HES2: variants seen among roughly 807,000 people sequenced by gnomAD.
The protein encoded by HES2 is transcription factor HES-2.
HES2 carries 11 observed loss-of-function variants against 11.9 expected under a neutral mutation model. The ratio of observed to expected loss-of-function variants is 0.92; its 90% CI spans 0.58 to 1.53. The LOEUF (loss-of-function observed/expected upper bound fraction) is 1.53. HES2 is among the 40% of genes most tolerant of loss of function. The pLI, the probability that HES2 is intolerant of heterozygous loss-of-function variation, is 0.00. For missense variants in HES2, 260 were observed against 253.8 expected (o/e 1.02, Z -0.16); for synonymous variants, 125 against 122.8 (o/e 1.02, Z -0.12).
chr1:6,419,361 G>C lies in HES2; in HGVS notation c.142-21C>G, dbSNP rs764014411. The stretch of plus-strand genomic sequence containing the variant: ...GAGTTCTGCGCCCGGCCACGAGGAA[G>C]AGCGACAGAGAACCACCAAGACAGA... On this transcript the variant is annotated intron_variant, in intron 2 of 3. Transcript: ENST00000377834. This position sits in a 1 kb window ranked among gnomAD's most constrained non-coding sequence, Gnocchi z 8.1. 3 of 1,587,022 alleles carry C rather than the reference G, an allele frequency of 1.9e-6. No individual in the cohort carries two copies. Among genetic ancestry groups the C allele is most frequent in the Non-Finnish European group, 2.6e-6 (3 of 1,162,024 alleles).
Position 6,418,943 on chromosome 1 carries a change from TCTGGGGCAGACGCGGGCG to T in HES2, c.434_451del (p.Ala145_Pro150del). ...CGAGGGCACCGGAGCGGATGCGGGCTCTGGGGCAGACGCGGGCGCTGGGGCGGGGGCAGACGGGCCACT... is the reference window on the plus strand; with the variant it reads ...CGAGGGCACCGGAGCGGATGCGGGCTCTGGGGCGGGGGCAGACGGGCCACT... On this transcript the variant is annotated inframe_deletion, in exon 4 of 4. Transcript: ENST00000377834. 7.5e-7 allele frequency: 1 copy of T among 1,335,994 alleles called. No homozygotes were observed. Among genetic ancestry groups the T allele is most frequent in the South Asian group, 2.1e-5 (1 of 48,138 alleles). 82.8% of individuals were successfully genotyped at this position (1,335,994 alleles called of 1,614,324 possible). A position where few individuals can be genotyped will look rare whatever the true frequency, so the allele number is the denominator to read the frequency against.
In HES2 at chr1:6,419,373, A is replaced by G. The variant is rs774017666; in HGVS notation, c.142-33T>C. 1.9e-6 allele frequency: 3 copies of G among 1,564,040 alleles called. No homozygotes were observed. The African/African-American group carries it at 4.1e-5, about 21-fold the overall frequency. On this transcript the variant is annotated intron_variant, in intron 2 of 3. Coordinates refer to ENST00000377834, the MANE Select transcript of HES2 (RefSeq NM_019089.5). This position sits in a 1 kb window ranked among gnomAD's most constrained non-coding sequence, Gnocchi z 8.1. Reference sequence around the variant, plus strand: ...CGGCCACGAGGAAGAGCGACAGAGAACCACCAAGACAGAACTTTGGCCGGC... The same window carrying G: ...CGGCCACGAGGAAGAGCGACAGAGAGCCACCAAGACAGAACTTTGGCCGGC...
In HES2 at chr1:6,415,321, G is replaced by A. The variant is rs1642834174; in HGVS notation, c.*3552C>T. On this transcript the variant is annotated 3_prime_UTR_variant, in exon 4 of 4. Transcript: ENST00000377834. Reference sequence around the variant, plus strand: ...AGGTTCGGGGTAACTCCAGAGTCAAGCAAGTCTATTGGCAACATTTTCCCA... The same window carrying A: ...AGGTTCGGGGTAACTCCAGAGTCAAACAAGTCTATTGGCAACATTTTCCCA... 6.6e-6 allele frequency: 1 copy of A among 151,286 alleles called. No homozygotes were observed. The highest frequency in any genetic ancestry group is 6.6e-5 in the Admixed American group (1 of 15,188). The allele number at this position is 151,286 out of a possible 1,614,324, so 9.4% of individuals were successfully genotyped here.
rs755059196 is a variant in HES2, at chr1:6,419,287, G to A, written c.195C>T (p.Arg65=). 1.3e-5 allele frequency: 21 copies of A among 1,610,748 alleles called. No individual in the cohort carries two copies. In the African/African-American group the frequency reaches 1.5e-4, roughly 11 times the overall value. Residue 65 remains arginine (R), a synonymous_variant, in exon 3 of 4, where the codon CGC becomes CGT. Coordinates refer to ENST00000377834, the MANE Select transcript of HES2 (RefSeq NM_019089.5). This position sits in a 1 kb window ranked among gnomAD's most constrained non-coding sequence, Gnocchi z 8.1. ...AGGACGCAGGCAGCTCCTGCAGGAAGCGCACGGTCATTTCCAGGACGTCTG... is the reference window on the plus strand; with the variant it reads ...AGGACGCAGGCAGCTCCTGCAGGAAACGCACGGTCATTTCCAGGACGTCTG... ...EKADVLEMTV[R]FLQELPASSW... is the part of the protein sequence containing the mutation.
In HES2 at chr1:6,419,407, G is replaced by A. The variant is rs960459056; in HGVS notation, c.142-67C>T. 4.3e-6 allele frequency: 6 copies of A among 1,396,150 alleles called. No homozygotes were observed. The highest frequency in any genetic ancestry group is 3.9e-5 in the Admixed American group (2 of 51,820). The allele number at this position is 1,396,150 out of a possible 1,614,324, so 86.5% of individuals were successfully genotyped here. A position where few individuals can be genotyped will look rare whatever the true frequency, so the allele number is the denominator to read the frequency against. On this transcript the variant is annotated intron_variant, in intron 2 of 3. Coordinates refer to ENST00000377834, the MANE Select transcript of HES2 (RefSeq NM_019089.5). The surrounding 1 kb of genome is among the most constrained non-coding windows in gnomAD (Gnocchi z 8.1). ...ACAGAACTTTGGCCGGCTACCGTGC[G>A]CACCCTCGCTCTAGTCGGGAGCTGG...
In HES2 at chr1:6,418,115, A is replaced by G. The variant is rs1642870896; in HGVS notation, c.*758T>C. 1.3e-5 allele frequency: 2 copies of G among 152,194 alleles called. No individual in the cohort carries two copies. Among genetic ancestry groups the G allele is most frequent in the South Asian group, 4.1e-4 (2 of 4,826 alleles). The allele number at this position is 152,194 out of a possible 1,614,324, so 9.4% of individuals were successfully genotyped here. ...TTCCTTGAGGCCACGGGGCCGCCTCATTCTTGTTCTGCCCCTTCCTCACAC... is the reference window on the plus strand; with the variant it reads ...TTCCTTGAGGCCACGGGGCCGCCTCGTTCTTGTTCTGCCCCTTCCTCACAC... On this transcript the variant is annotated 3_prime_UTR_variant, in exon 4 of 4. Coordinates refer to ENST00000377834, the MANE Select transcript of HES2 (RefSeq NM_019089.5).
At position 6,418,754 on chromosome 1, in the gene HES2, G is replaced by T; in HGVS notation, c.*119C>A. Reference sequence around the variant, plus strand: ...GTCACAAACAGCCGGCTTCCGGCCTGGGTGTGGGTACTGGGCTGGCCCCTA... The same window carrying T: ...GTCACAAACAGCCGGCTTCCGGCCTTGGTGTGGGTACTGGGCTGGCCCCTA... On this transcript the variant is annotated 3_prime_UTR_variant, in exon 4 of 4. Coordinates refer to ENST00000377834, the MANE Select transcript of HES2 (RefSeq NM_019089.5). 9.7e-7 allele frequency: 1 copy of T among 1,030,146 alleles called. No homozygotes were observed. Among genetic ancestry groups the T allele is most frequent in the South Asian group, 4.8e-5 (1 of 20,688 alleles). 63.8% of individuals were successfully genotyped at this position (1,030,146 alleles called of 1,614,324 possible).
chr1:6,419,799 C>A lies in HES2; in HGVS notation c.22G>T (p.Gly8Trp). 1 of 1,562,952 alleles carries A rather than the reference C, an allele frequency of 6.4e-7. No individual in the cohort carries two copies. Among genetic ancestry groups the A allele is most frequent in the East Asian group, 2.5e-5 (1 of 40,452 alleles). Reference protein sequence around the residue: MGLPRRAGDAAELRKSLK... With the variant: MGLPRRAWDAAELRKSLK... Reference sequence around the variant, plus strand: ...ACCTTGCGCAGCTCCGCCGCGTCCCCTGCCCGGCGAGGCAGCCCCATGCTC... The same window carrying A: ...ACCTTGCGCAGCTCCGCCGCGTCCCATGCCCGGCGAGGCAGCCCCATGCTC... The change falls in exon 1 of 4, where the codon GGG becomes TGG. Residue 8 changes from glycine to tryptophan, a missense_variant. By Grantham distance (184) the Gly-to-Trp change is radical. Transcript: ENST00000377834. The surrounding 1 kb of genome is among the most constrained non-coding windows in gnomAD (Gnocchi z 8.1).
chr1:6,418,983 C>G lies in HES2; in HGVS notation c.412G>C (p.Gly138Arg). Residue 138 changes from glycine (G) to arginine (R), a missense_variant, in exon 4 of 4, where the codon GGC (glycine) becomes CGC (arginine). By Grantham distance (125) the Gly-to-Arg change is moderately radical. Transcript: ENST00000377834. The stretch of plus-strand genomic sequence containing the variant: ...GGCGCTGGGGCGGGGGCAGACGGGC[C>G]ACTGGAATCCCCAGCGCGCCCGCCG... ...LDGGRAGDSS[G>R]PSAPAPAPAS... 1 of 1,361,958 alleles carries G rather than the reference C, an allele frequency of 7.3e-7. No individual in the cohort carries two copies. Among genetic ancestry groups the G allele is most frequent in the African/African-American group, 1.5e-5 (1 of 65,292 alleles). The allele number at this position is 1,361,958 out of a possible 1,614,324, so 84.4% of individuals were successfully genotyped here.
chr1:6,419,071 C>G lies in HES2; in HGVS notation c.324G>C (p.Glu108Asp). The G allele has an allele frequency of 6.7e-7, 1 of 1,493,222 alleles. No individual in the cohort carries two copies. The highest frequency in any genetic ancestry group is 8.8e-7 in the Non-Finnish European group (1 of 1,130,214). The allele number at this position is 1,493,222 out of a possible 1,614,324, so 92.5% of individuals were successfully genotyped here. A position where few individuals can be genotyped will look rare whatever the true frequency, so the allele number is the denominator to read the frequency against. The stretch of plus-strand genomic sequence containing the variant: ...CCAGCAGGCGCGCGCTCACGGCGGG[C>G]TCCAGGACACGGCAGGCGGGCAGCA... ...ARVLPACRVL[E>D]PAVSARLLEH... Residue 108 changes from glutamate to aspartate, a missense_variant, in exon 4 of 4, where the codon GAG becomes GAC. Coordinates refer to ENST00000377834, the MANE Select transcript of HES2 (RefSeq NM_019089.5). This position sits in a 1 kb window ranked among gnomAD's most constrained non-coding sequence, Gnocchi z 8.1.
Position 6,419,864 on chromosome 1 carries a change from G to C in HES2, c.-44C>G. ...GGCAGCTGCGAGCCCCACGCAAAGG[G>C]AAACCGAGGTCCGAAATGAGGTCCC... On this transcript the variant is annotated 5_prime_UTR_variant, in exon 1 of 4. Coordinates refer to ENST00000377834, the MANE Select transcript of HES2 (RefSeq NM_019089.5). This position sits in a 1 kb window ranked among gnomAD's most constrained non-coding sequence, Gnocchi z 8.1. 2.6e-6 allele frequency: 4 copies of C among 1,514,296 alleles called. No individual in the cohort carries two copies. Among genetic ancestry groups the C allele is most frequent in the Non-Finnish European group, 3.5e-6 (4 of 1,134,950 alleles). 93.8% of individuals were successfully genotyped at this position (1,514,296 alleles called of 1,614,324 possible).
Position 6,418,980 on chromosome 1 carries a change from G to A in HES2, c.415C>T (p.Pro139Ser), listed in dbSNP as rs2235687. The change falls in exon 4 of 4, where the codon CCG becomes TCG. Residue 139 changes from proline (P) to serine (S), a missense_variant. Physicochemically the swap from Pro to Ser is moderately conservative, Grantham distance 74. Transcript: ENST00000377834. ...GCGGGCGCTGGGGCGGGGGCAGACGGGCCACTGGAATCCCCAGCGCGCCCG... is the reference window on the plus strand; with the variant it reads ...GCGGGCGCTGGGGCGGGGGCAGACGAGCCACTGGAATCCCCAGCGCGCCCG... ...DGGRAGDSSG[P>S]SAPAPAPASA... is the part of the protein sequence containing the mutation. The A allele has an allele frequency of 0.038, 51,981 of 1,359,106 alleles. 1,375 individuals carry two copies. Among genetic ancestry groups the A allele is most frequent in the East Asian group, 0.14 (4,663 of 32,598 alleles). The allele number at this position is 1,359,106 out of a possible 1,614,324, so 84.2% of individuals were successfully genotyped here.
In HES2 at chr1:6,416,158, C is replaced by G. The variant is rs1055773600; in HGVS notation, c.*2715G>C. On this transcript the variant is annotated 3_prime_UTR_variant, in exon 4 of 4. Transcript: ENST00000377834. ...ATCATCAGACAGTCACATGGAGTCACAGAACCATCTTGCAACAGCATCCCA... is the reference window on the plus strand; with the variant it reads ...ATCATCAGACAGTCACATGGAGTCAGAGAACCATCTTGCAACAGCATCCCA... The G allele has an allele frequency of 6.6e-6, 1 of 152,288 alleles. No individual in the cohort carries two copies. Among genetic ancestry groups the G allele is most frequent in the Non-Finnish European group, 1.5e-5 (1 of 68,066 alleles). 9.4% of individuals were successfully genotyped at this position (152,288 alleles called of 1,614,324 possible).
chr1:6,418,862 C>A lies in HES2; in HGVS notation c.*11G>T. 7.7e-7 allele frequency: 1 copy of A among 1,299,992 alleles called. No individual in the cohort carries two copies. Among genetic ancestry groups the A allele is most frequent in the Non-Finnish European group, 9.7e-7 (1 of 1,030,632 alleles). The allele number at this position is 1,299,992 out of a possible 1,614,324, so 80.5% of individuals were successfully genotyped here. ...CAAGCAGTCGGCAGGGTCTGTGGATCGGCCGAGGGGCTACCACGGCCGCCA... is the reference window on the plus strand; with the variant it reads ...CAAGCAGTCGGCAGGGTCTGTGGATAGGCCGAGGGGCTACCACGGCCGCCA... On this transcript the variant is annotated 3_prime_UTR_variant, in exon 4 of 4. Transcript: ENST00000377834.
rs1642853197 is a variant in HES2 at position 6,416,613 on chromosome 1, G to A, written c.*2260C>T. ...CTGCTTGAGTTGTAGCTTGATTGGA[G>A]CCAGGTCAATGCAAGTCACAGAACT... On this transcript the variant is annotated 3_prime_UTR_variant, in exon 4 of 4. Coordinates refer to ENST00000377834, the MANE Select transcript of HES2 (RefSeq NM_019089.5). The A allele has an allele frequency of 6.6e-6, 1 of 152,180 alleles. No homozygotes were observed. The highest frequency in any genetic ancestry group is 2.4e-5 in the African/African-American group (1 of 41,432). 9.4% of individuals were successfully genotyped at this position (152,180 alleles called of 1,614,324 possible).
At position 6,419,847 on chromosome 1, in the gene HES2, C is replaced by T. The variant is rs552897481; in HGVS notation, c.-27G>A. On this transcript the variant is annotated 5_prime_UTR_variant, in exon 1 of 4. Coordinates refer to ENST00000377834, the MANE Select transcript of HES2 (RefSeq NM_019089.5). The surrounding 1 kb of genome is among the most constrained non-coding windows in gnomAD (Gnocchi z 8.1). ...CTCCGCGGGGAAGCGGTGGCAGCTG[C>T]GAGCCCCACGCAAAGGGAAACCGAG... 2.5e-5 allele frequency: 39 copies of T among 1,530,510 alleles called. No individual in the cohort carries two copies. The South Asian group carries it at 4.0e-4, about 16-fold the overall frequency. The allele number at this position is 1,530,510 out of a possible 1,614,324, so 94.8% of individuals were successfully genotyped here.
At position 6,419,124 on chromosome 1, in the gene HES2, TGTAGCCCTCGCG is replaced by T. The variant is rs1267722265; in HGVS notation, c.259_270del (p.Arg87_Tyr90del). The T allele has an allele frequency of 6.6e-7, 1 of 1,521,546 alleles. No individual in the cohort carries two copies. Among genetic ancestry groups the T allele is most frequent in the African/African-American group, 1.4e-5 (1 of 70,584 alleles). The allele number at this position is 1,521,546 out of a possible 1,614,324, so 94.3% of individuals were successfully genotyped here. A position where few individuals can be genotyped will look rare whatever the true frequency, so the allele number is the denominator to read the frequency against. On this transcript the variant is annotated inframe_deletion, in exon 4 of 4. Coordinates refer to ENST00000377834, the MANE Select transcript of HES2 (RefSeq NM_019089.5). This position sits in a 1 kb window ranked among gnomAD's most constrained non-coding sequence, Gnocchi z 8.1. Reference sequence around the variant, plus strand: ...CGGGCCAGGCGCGCCACACAGGCGCTGTAGCCCTCGCGGTAGCTGTCGCAAGGCACTGCGGGC... The same window carrying T: ...CGGGCCAGGCGCGCCACACAGGCGCTGTAGCTGTCGCAAGGCACTGCGGGC...
In HES2 at chr1:6,415,400, A is replaced by G. The variant is rs914911921; in HGVS notation, c.*3473T>C. 6.6e-6 allele frequency: 1 copy of G among 151,538 alleles called. No homozygotes were observed. The highest frequency in any genetic ancestry group is 1.5e-5 in the Non-Finnish European group (1 of 67,958). 9.4% of individuals were successfully genotyped at this position (151,538 alleles called of 1,614,324 possible). ...GTCACACTTTCGCAATTCTTGCAATATTTCAAACTTCTTCCTTATTATATC... is the reference window on the plus strand; with the variant it reads ...GTCACACTTTCGCAATTCTTGCAATGTTTCAAACTTCTTCCTTATTATATC... On this transcript the variant is annotated 3_prime_UTR_variant, in exon 4 of 4. Coordinates refer to ENST00000377834, the MANE Select transcript of HES2 (RefSeq NM_019089.5).
Position 6,419,438 on chromosome 1 carries a change from G to T in HES2, c.142-98C>A. On this transcript the variant is annotated intron_variant, in intron 2 of 3. Transcript: ENST00000377834. This position sits in a 1 kb window ranked among gnomAD's most constrained non-coding sequence, Gnocchi z 8.1. ...TCGCTCTAGTCGGGAGCTGGGTGTGGGGCGCGCCGTGGCCTGCTGGGGGTC... is the reference window on the plus strand; with the variant it reads ...TCGCTCTAGTCGGGAGCTGGGTGTGTGGCGCGCCGTGGCCTGCTGGGGGTC... 1 of 1,245,714 alleles carries T rather than the reference G, an allele frequency of 8.0e-7. No individual in the cohort carries two copies. Among genetic ancestry groups the T allele is most frequent in the Admixed American group, 2.1e-5 (1 of 47,152 alleles). 77.2% of individuals were successfully genotyped at this position (1,245,714 alleles called of 1,614,324 possible).
Sources: gnomAD v4.1 joint callset for allele counts on GRCh38, gnomAD v4.1.1 for gene constraint, Gnocchi (gnomAD v3.1) non-coding constraint, MANE v1.5 for transcripts, NCBI Gene and HGNC (gene_info 2026-07-23, HGNC 2026-07-21) for gene names.